Variants in NKAIN2 observed in about 807,000 individuals in gnomAD.
NKAIN2 encodes the protein sodium/potassium-transporting ATPase subunit beta-1-interacting protein 2.
NKAIN2 carries 14 observed loss-of-function variants against 32.6 expected under a neutral mutation model. The ratio of observed to expected loss-of-function variants is 0.43; its 90% confidence interval spans 0.28 to 0.67. The LOEUF (loss-of-function observed/expected upper bound fraction) is 0.67. Among genes scored for constraint, NKAIN2 ranks in the 30% least tolerant of loss-of-function variants. The probability of loss-of-function intolerance (pLI) is 0.17; values close to 1 mark genes in which losing one functional copy is unlikely to be tolerated. For missense variants in NKAIN2, 198 were observed against 258.3 expected, an observed-to-expected ratio of 0.77 and a Z score of 1.60; for synonymous variants, 80 against 87.2, an observed-to-expected ratio of 0.92 and a Z score of 0.46.
At chr6:124,322,020 C>T (rs1797216393) in intron 2 of NKAIN2, among the ~76,000 whole-genome samples, 1 of 152,042 alleles carries the variant, frequency 6.6e-6, no homozygotes, top group Non-Finnish European at 1.5e-5. Context: ...TGAAGTTCTG[C>T]AATACTCGAA....
chr6:124,111,541 T>C (rs967719213), intron 1 of NKAIN2, among the ~76,000 whole-genome samples: 2 of 152,110 alleles, frequency 1.3e-5, no homozygotes, highest in Non-Finnish European at 2.9e-5. Context: ...TGATTTATAA[T>C]ATATGGGATA....
intron 2 of NKAIN2, among the ~76,000 whole-genome samples, chr6:124,283,991 A>G (rs557071114): frequency 6.6e-6 from 1 of 152,302 alleles, no homozygotes; most frequent in Non-Finnish European, 1.5e-5. Flanking sequence ...GTTTTATGAA[A>G]GCGTCCTCAT....
intron 2 of NKAIN2, among the ~76,000 whole-genome samples, chr6:124,301,388 A>T (rs1264930095): frequency 6.6e-6 from 1 of 152,196 alleles, no homozygotes; most frequent in Non-Finnish European, 1.5e-5. Flanking sequence ...AACCTCTGCT[A>T]GGGCAGTGCA....
intron 2 of NKAIN2, among the ~76,000 whole-genome samples, chr6:124,329,372 TG>T (rs1442755735): frequency 1.3e-5 from 2 of 152,332 alleles, no homozygotes; most frequent in African/African-American, 4.8e-5. Context: ...TTCTTTTCTT[TG>T]TTCCTGATCT....
intron 1 of NKAIN2, among the ~76,000 whole-genome samples, chr6:124,131,574 A>G (rs1408343749): frequency 6.6e-6 from 1 of 152,222 alleles, no homozygotes; most frequent in Non-Finnish European, 1.5e-5. Context: ...GTGAGAAGGG[A>G]AAAACCTGCC....
chr6:124,538,303 T>G (rs1779790181), intron 3 of NKAIN2, among the ~76,000 whole-genome samples: 1 of 152,036 alleles, frequency 6.6e-6, no homozygotes, highest in South Asian at 2.1e-4. Context: ...GTGTCTTTAT[T>G]TGGCCTTTAT....
chr6:124,308,773 C>T lies in NKAIN2; in HGVS notation c.192+25631C>T, dbSNP rs146310076. On this transcript the variant is annotated intron_variant, in intron 2 of 6. Coordinates refer to ENST00000368417, the MANE Select transcript of NKAIN2 (RefSeq NM_001040214.3). ...ACCCATTTTATGGTACTGGTTGGCA[C>T]CTATTTCATTTGGACATCTAAACCC... Among the ~76,000 whole-genome samples the T allele has an allele frequency of 3.9e-5, 6 of 152,152 alleles. No individual in the cohort carries two copies. In the East Asian group the frequency reaches 9.7e-4, roughly 25 times the overall value.
chr6:124,583,144 G>A (rs899981930), intron 3 of NKAIN2, among the ~76,000 whole-genome samples: 8 of 150,864 alleles, frequency 5.3e-5, no homozygotes, highest in African/African-American at 2.0e-4. Context: ...AGAAATAAAG[G>A]TGTCCAAATT....
At chr6:123,898,829 A>G (rs548739796) in intron 1 of NKAIN2, among the ~76,000 whole-genome samples, 1 of 152,266 alleles carries the variant, frequency 6.6e-6, no homozygotes, top group South Asian at 2.1e-4. Flanking sequence ...CTCCAGTACC[A>G]TGGCCTGGAA....
At position 124,507,178 on chromosome 6, in the gene NKAIN2, G is replaced by A. The variant is rs369289892; in HGVS notation, c.274-151008G>A. 1.1e-4 allele frequency among the ~76,000 whole-genome samples: 16 copies of A among 152,312 alleles called. No individual in the cohort carries two copies. In the East Asian group the frequency reaches 3.1e-3, roughly 29 times the overall value. On this transcript the variant is annotated intron_variant, in intron 3 of 6. Transcript: ENST00000368417. ...GTTTTACTGACTTTTATTTGTACCA[G>A]CAAAGTACGCGAGGGTTTGTTTCAC...
At chr6:124,808,010 A>C (rs994263582) in intron 5 of NKAIN2, among the ~76,000 whole-genome samples, 4 of 149,718 alleles carry the variant, frequency 2.7e-5, no homozygotes, top group Non-Finnish European at 6.0e-5. Flanking sequence ...CCAACCAAAA[A>C]GAGTCCAGGA....
chr6:124,240,125 A>G (rs9482522), intron 1 of NKAIN2, among the ~76,000 whole-genome samples: 13,069 of 152,254 alleles, frequency 0.086, 1,204 homozygotes, highest in African/African-American at 0.22. Flanking sequence ...AACTCTATGC[A>G]AATAAACTAG....
intron 1 of NKAIN2, among the ~76,000 whole-genome samples, chr6:124,082,012 A>G (rs976671991): frequency 3.3e-5 from 5 of 152,060 alleles, no homozygotes; most frequent in African/African-American, 1.2e-4. Flanking sequence ...GTAGAGAGAG[A>G]AATAAAGCCA....
At chr6:124,590,915 G>A (rs1781887343) in intron 3 of NKAIN2, among the ~76,000 whole-genome samples, 1 of 152,192 alleles carries the variant, frequency 6.6e-6, no homozygotes, top group Non-Finnish European at 1.5e-5. Context: ...CGGGAAATAA[G>A]TAGAGAATAC....
chr6:123,871,747 G>A (rs2114285593), intron 1 of NKAIN2, among the ~76,000 whole-genome samples: 1 of 152,248 alleles, frequency 6.6e-6, no homozygotes, highest in South Asian at 2.1e-4. Context: ...AGCTTCTAAT[G>A]TTGCTGTTCA....
intron 2 of NKAIN2, among the ~76,000 whole-genome samples, chr6:124,308,728 T>C (rs1052647479): frequency 2.0e-5 from 3 of 152,166 alleles, no homozygotes; most frequent in Non-Finnish European, 4.4e-5. Flanking sequence ...CCTATTTCAT[T>C]TCCCTTCTTA....
At chr6:124,107,777 T>A (rs779832652) in intron 1 of NKAIN2, among the ~76,000 whole-genome samples, 4 of 152,176 alleles carry the variant, frequency 2.6e-5, no homozygotes, top group Non-Finnish European at 5.9e-5. Flanking sequence ...ATTCCTCATA[T>A]AAGTATCTGC....
chr6:124,781,836 G>A (rs1377600917), intron 4 of NKAIN2, among the ~76,000 whole-genome samples: 1 of 152,040 alleles, frequency 6.6e-6, no homozygotes, highest in Admixed American at 6.6e-5. Context: ...TAGACTTGAC[G>A]GGCCTTTTAA....
chr6:124,316,934 A>G (rs2626119), intron 2 of NKAIN2, among the ~76,000 whole-genome samples: 73,901 of 151,876 alleles, frequency 0.49, 22,031 homozygotes, highest in African/African-American at 0.85. Flanking sequence ...GTGTTGCTTT[A>G]TTTTTCTCTA....
Sources: gnomAD v4.1 joint callset for allele counts (sites outside exome capture counted in the v4.1 genomes callset) on GRCh38, gnomAD v4.1.1 for gene constraint, MANE v1.5 for transcripts, NCBI Gene and HGNC (gene_info 2026-07-23, HGNC 2026-07-21) for gene names.